CALD1: variants seen among roughly 807,000 people sequenced by gnomAD.
The protein encoded by CALD1 is caldesmon 1, also known as caldesmon.
In CALD1, 33 loss-of-function variants were observed where a neutral mutation model predicts 99.9. The observed-to-expected ratio is 0.33, with a 90% confidence interval of 0.25 to 0.44. The LOEUF (loss-of-function observed/expected upper bound fraction) is 0.44. CALD1 is among the 20% of genes least tolerant of loss of function. CALD1 has a pLI of 1.00. For synonymous variants in CALD1, 310 were observed against 325.0 expected (o/e 0.95, Z 0.50); for missense variants, 861 against 962.1 (o/e 0.89, Z 1.39).
rs547429335 is a variant in CALD1, at chr7:134,955,919, T to TGGAC, written c.1936-2138_1936-2135dup. ...ATGGATGGATAGATGGATGGATGGATGGACGGACGGACGGATGGGTAATAT... is the reference window on the plus strand; with the variant it reads ...ATGGATGGATAGATGGATGGATGGATGGACGGACGGACGGACGGATGGGTAATAT... On this transcript the variant is annotated intron_variant, in intron 9 of 14. Coordinates refer to ENST00000361675, the MANE Select transcript of CALD1 (RefSeq NM_033138.4). 2.6e-3 allele frequency among the ~76,000 whole-genome samples: 395 copies of TGGAC among 152,266 alleles called. 1 individual carries two copies. Among genetic ancestry groups the TGGAC allele is most frequent in the Non-Finnish European group, 3.7e-3 (255 of 68,014 alleles).
rs115231415 is a variant in CALD1 at position 134,860,836 on chromosome 7, A to C, written c.-41-6857A>C. 4.3e-3 allele frequency among the ~76,000 whole-genome samples: 656 copies of C among 152,328 alleles called. 5 individuals are homozygous for C. The highest frequency in any genetic ancestry group is 0.015 in the African/African-American group (632 of 41,574). Reference sequence around the variant, plus strand: ...AGGGTTCTCAGGAAAGGGTATCATGAGGGAAGTAAAATTTGAGCATGAAAT... The same window carrying C: ...AGGGTTCTCAGGAAAGGGTATCATGCGGGAAGTAAAATTTGAGCATGAAAT... On this transcript the variant is annotated intron_variant, in intron 2 of 14. Coordinates refer to ENST00000361675, the MANE Select transcript of CALD1 (RefSeq NM_033138.4).
chr7:134,898,291 A>T (rs12055965), intron 3 of CALD1, among the ~76,000 whole-genome samples: 4,727 of 152,158 alleles, frequency 0.031, 97 homozygotes, highest in Non-Finnish European at 0.046. Flanking sequence ...TGTGCATTAA[A>T]GTGTGCAGAA....
intron 3 of CALD1, 95 bp from the exon 4 acceptor site, chr7:134,928,659 A>G (rs901901553): frequency 3.5e-6 from 4 of 1,157,094 alleles, no homozygotes; most frequent in African/African-American, 3.1e-5. Flanking sequence ...TAAGCAGTGA[A>G]GTTCAGAAAA....
intron 3 of CALD1, among the ~76,000 whole-genome samples, chr7:134,907,981 G>C (rs1803524790): frequency 6.7e-6 from 1 of 149,076 alleles, no homozygotes; most frequent in Non-Finnish European, 1.5e-5. Context: ...CCAGACCTAG[G>C]TTTTTTCTCT....
chr7:134,851,130 G>A (rs1800062180), intron 2 of CALD1, among the ~76,000 whole-genome samples: 1 of 151,868 alleles, frequency 6.6e-6, no homozygotes, highest in South Asian at 2.1e-4. Context: ...TTCAAATTTT[G>A]AGTCTGAATG....
the CALD1 span, among the ~76,000 whole-genome samples, chr7:134,713,471 G>A: frequency 1.2e-4 from 19 of 152,258 alleles, no homozygotes; most frequent in Admixed American, 9.8e-4. Context: ...TGGGGGCTCC[G>A]GGACATGCAG....
chr7:134,854,535 T>G (rs1024037747), intron 2 of CALD1, among the ~76,000 whole-genome samples: 10 of 151,958 alleles, frequency 6.6e-5, no homozygotes, highest in Non-Finnish European at 1.2e-4. Flanking sequence ...AGGGGCCTTT[T>G]GTTTAATGAC....
At chr7:134,930,488 G>C (rs528698642) in intron 4 of CALD1, among the ~76,000 whole-genome samples, 1 of 152,244 alleles carries the variant, frequency 6.6e-6, no homozygotes, top group South Asian at 2.1e-4. Context: ...AAAGGGAATG[G>C]GTCCTGGCCT....
chr7:134,945,008 T>C (rs1806747916), intron 7 of CALD1, among the ~76,000 whole-genome samples: 1 of 152,208 alleles, frequency 6.6e-6, no homozygotes, highest in African/African-American at 2.4e-5. Context: ...TAGGTGCTAA[T>C]GATATGTCTT....
intron 9 of CALD1, among the ~76,000 whole-genome samples, chr7:134,951,479 A>C (rs1462398672): frequency 6.6e-6 from 1 of 152,250 alleles, no homozygotes; most frequent in East Asian, 1.9e-4. Flanking sequence ...TTAAAAGTTT[A>C]AGCTGCTTTT....
At chr7:134,945,683 AACCTTAACC>A (rs1340220963) in intron 7 of CALD1, among the ~76,000 whole-genome samples, 1 of 152,236 alleles carries the variant, frequency 6.6e-6, no homozygotes, top group Non-Finnish European at 1.5e-5. Context: ...TGTAAGTAAT[AACCTTAACC>A]ACATCATACC....
intron 3 of CALD1, among the ~76,000 whole-genome samples, chr7:134,889,971 C>T (rs570000303): frequency 6.6e-6 from 1 of 152,190 alleles, no homozygotes; most frequent in South Asian, 2.1e-4. Flanking sequence ...TGCAGTGGCG[C>T]CATCTCAGCT....
At chr7:134,792,856 A>G (rs562111784) in intron 1 of CALD1, among the ~76,000 whole-genome samples, 61 of 152,326 alleles carry the variant, frequency 4.0e-4, no homozygotes, top group Non-Finnish European at 5.9e-4. Context: ...CTGGTATTCT[A>G]TCTTTCCACT....
intron 3 of CALD1, among the ~76,000 whole-genome samples, chr7:134,877,375 T>C (rs984247726): frequency 6.6e-6 from 1 of 152,196 alleles, no homozygotes; most frequent in African/African-American, 2.4e-5. Context: ...AAAAAGAAAA[T>C]TACCTTTTTA....
Position 134,946,939 on chromosome 7 carries a change from G to A in CALD1, c.1533-569G>A, listed in dbSNP as rs532172824. On this transcript the variant is annotated intron_variant, in intron 7 of 14. Coordinates refer to ENST00000361675, the MANE Select transcript of CALD1 (RefSeq NM_033138.4). ...TGAGCTCAGGCAATCCGCCCGCCTC[G>A]GCCTCCCAAAGTGCTAGGATTACAG... Among the ~76,000 whole-genome samples the A allele has an allele frequency of 3.4e-3, 511 of 151,798 alleles. 1 individual carries two copies. Among genetic ancestry groups the A allele is most frequent in the Non-Finnish European group, 5.2e-3 (352 of 67,940 alleles).
At chr7:134,831,389 G>C (rs1024903277) in intron 1 of CALD1, among the ~76,000 whole-genome samples, 1 of 151,832 alleles carries the variant, frequency 6.6e-6, no homozygotes, top group Non-Finnish European at 1.5e-5. Flanking sequence ...GCGCGATCTC[G>C]GCTCACTGCA....
intron 1 of CALD1, among the ~76,000 whole-genome samples, chr7:134,837,307 A>G (rs1335502822): frequency 6.6e-6 from 1 of 151,908 alleles, no homozygotes; most frequent in Non-Finnish European, 1.5e-5. Context: ...TGTTATCTCA[A>G]TCATCACTCA....
chr7:134,934,214 C>T (rs1586355662), intron 5 of CALD1, 137 bp downstream of exon 5: 3 of 1,314,862 alleles, frequency 2.3e-6, no homozygotes, highest in East Asian at 2.3e-5. Flanking sequence ...TTTTTTCAGG[C>T]CATAGCGATA....
chr7:134,943,197 A>C (rs1806591197), intron 7 of CALD1, among the ~76,000 whole-genome samples: 1 of 151,050 alleles, frequency 6.6e-6, no homozygotes, highest in African/African-American at 2.4e-5. Context: ...AGGTAAGTTT[A>C]GTACCTACCA....
Sources: gnomAD v4.1 joint callset for allele counts (sites outside exome capture counted in the v4.1 genomes callset) on GRCh38, gnomAD v4.1.1 for gene constraint, MANE v1.5 for transcripts, NCBI Gene and HGNC (gene_info 2026-07-23, HGNC 2026-07-21) for gene names.